ZEB2: variants seen among roughly 807,000 people sequenced by gnomAD.
ZEB2 encodes zinc finger E-box-binding homeobox 2.
ZEB2 carries 6 observed loss-of-function variants against 99.9 expected under a neutral mutation model. That is an observed-to-expected ratio of 0.06 (90% CI 0.03 to 0.12). The LOEUF is 0.12. Ranked by LOEUF, ZEB2 falls within the 10% of genes least tolerant of loss-of-function variation. The pLI is 1.00. For missense variants in ZEB2, 969 were observed against 1,502.8 expected (o/e 0.64, Z 5.87); for synonymous variants, 517 against 542.5 (o/e 0.95, Z 0.65).
At position 144,399,049 on chromosome 2, in the gene ZEB2, T is replaced by A; in HGVS notation, c.2138A>T (p.Lys713Met). The change falls in exon 8 of 10, where the codon AAG becomes ATG. Residue 713 changes from lysine to methionine, a missense_variant. Transcript: ENST00000627532. This position sits in a 1 kb window ranked among gnomAD's most constrained non-coding sequence, Gnocchi z 5.6. The stretch of plus-strand genomic sequence containing the variant: ...AGGGTTACTGTTGGGAGCTAACGGC[T>A]TGGAGCTTCTTTCCAGGGATGGGGA... ...SRSPSLERSS[K>M]PLAPNSNPPT... The A allele has an allele frequency of 6.2e-7, 1 of 1,614,150 alleles. No individual in the cohort carries two copies. The highest frequency in any genetic ancestry group is 8.5e-7 in the Non-Finnish European group (1 of 1,180,010).
In ZEB2 at chr2:144,404,708, C is replaced by T. The variant is rs1703360072; in HGVS notation, c.592+128G>A. 5.6e-6 allele frequency: 7 copies of T among 1,242,540 alleles called. No homozygotes were observed. In the Admixed American group the frequency reaches 9.8e-5, roughly 17 times the overall value. 77.0% of individuals were successfully genotyped at this position (1,242,540 alleles called of 1,614,324 possible). ...CCTAAAATTACAGTTCTAATCTTTG[C>T]TCATGAAATTCCATGCCTCTGCAGC... On this transcript the variant is annotated intron_variant, in intron 5 of 9. Transcript: ENST00000627532.
chr2:144,433,998 C>T (rs112438712), intron 2 of ZEB2, among the ~76,000 whole-genome samples: 1 of 152,086 alleles, frequency 6.6e-6, no homozygotes, highest in African/African-American at 2.4e-5. Flanking sequence ...TTTGAAGATG[C>T]CCTATACAAT....
At chr2:144,453,153 C>T (rs886655435) in intron 2 of ZEB2, among the ~76,000 whole-genome samples, 1 of 152,228 alleles carries the variant, frequency 6.6e-6, no homozygotes, top group Non-Finnish European at 1.5e-5. Context: ...CCAAGCAGTT[C>T]GTGCTATATT....
At chr2:144,451,623 C>A (rs902075653) in intron 2 of ZEB2, among the ~76,000 whole-genome samples, 1 of 152,256 alleles carries the variant, frequency 6.6e-6, no homozygotes, top group Non-Finnish European at 1.5e-5. Flanking sequence ...TGCAACTTCC[C>A]CTTCTGTGGT....
At chr2:144,430,086 CTAAT>C (rs1703750088) in intron 2 of ZEB2, 60 bp from the exon 3 acceptor site, 27 of 1,601,570 alleles carry the variant, frequency 1.7e-5, no homozygotes, top group Non-Finnish European at 2.3e-5. Flanking sequence ...TCAGCCACCC[CTAAT>C]TGTTTAGTTA....
At chr2:144,457,445 C>T (rs1704135345) in intron 2 of ZEB2, among the ~76,000 whole-genome samples, 1 of 152,108 alleles carries the variant, frequency 6.6e-6, no homozygotes, top group South Asian at 2.1e-4. Context: ...AGTGAGCAAA[C>T]AAAAGCCAAA....
intron 2 of ZEB2, chr2:144,507,231 T>G (rs952276019): frequency 6.6e-6 from 1 of 152,100 alleles, no homozygotes. Context: ...TAAGATGAAA[T>G]CATACACAGC....
At chr2:144,503,247 G>A (rs1288258693) in intron 2 of ZEB2, among the ~76,000 whole-genome samples, 1 of 152,070 alleles carries the variant, frequency 6.6e-6, no homozygotes, top group Non-Finnish European at 1.5e-5. Flanking sequence ...AAATAAAGTT[G>A]GTATGTAGTA....
intron 2 of ZEB2, among the ~76,000 whole-genome samples, chr2:144,510,687 C>CCTCTCTCTCTCTCTCTCTCTCT (rs34688250): frequency 6.8e-6 from 1 of 147,864 alleles, no homozygotes; most frequent in African/African-American, 2.5e-5. Flanking sequence ...CTACCCTGTG[C>CCTCTCTCTCTCTCTCTCTCTCT]CTCTCTCTCT....
At chr2:144,498,281 C>G (rs563299695) in intron 2 of ZEB2, among the ~76,000 whole-genome samples, 1 of 148,648 alleles carries the variant, frequency 6.7e-6, no homozygotes, top group Non-Finnish European at 1.5e-5. Flanking sequence ...GGAAGGTCCT[C>G]GCGCTCTATT....
intron 2 of ZEB2, among the ~76,000 whole-genome samples, chr2:144,508,220 G>A (rs1304944353): frequency 6.6e-6 from 1 of 152,166 alleles, no homozygotes; most frequent in Non-Finnish European, 1.5e-5. Flanking sequence ...TTGTATACGG[G>A]CGTTTGTTCA....
chr2:144,480,123 A>G (rs985223338), intron 2 of ZEB2, among the ~76,000 whole-genome samples: 1 of 152,196 alleles, frequency 6.6e-6, no homozygotes, highest in African/African-American at 2.4e-5. Flanking sequence ...TGACTAAATA[A>G]ATGCAAATGA....
intron 2 of ZEB2, chr2:144,497,887 A>AT: frequency 2.7e-5 from 2 of 74,824 alleles, no homozygotes. Context: ...CTCAACATAT[A>AT]TATATATGTC....
intron 2 of ZEB2, among the ~76,000 whole-genome samples, chr2:144,451,507 A>G (rs1704054330): frequency 6.6e-6 from 1 of 152,148 alleles, no homozygotes; most frequent in Non-Finnish European, 1.5e-5. Flanking sequence ...TAGGTGTAGA[A>G]ATGATTTGAA....
chr2:144,468,625 G>C (rs956241888), intron 2 of ZEB2, among the ~76,000 whole-genome samples: 4 of 152,058 alleles, frequency 2.6e-5, no homozygotes, highest in Non-Finnish European at 4.4e-5. Context: ...ACATGTGTGT[G>C]TGCATGTGTG....
Position 144,399,783 on chromosome 2 carries a change from G to T in ZEB2, c.1404C>A (p.Asp468Glu), listed in dbSNP as rs1443743088. The T allele has an allele frequency of 6.2e-7, 1 of 1,613,972 alleles. No homozygotes were observed. Among genetic ancestry groups the T allele is most frequent in the Non-Finnish European group, 8.5e-7 (1 of 1,180,012 alleles). Reference protein sequence around the residue: ...SEVQKVLQIVDNTVSRQKMDC... With the variant: ...SEVQKVLQIVENTVSRQKMDC... ...CCATTTTTTGCCTGGAAACAGTATT[G>T]TCCACAATCTGTAGAACCTTTTGTA... Residue 468 changes from aspartate to glutamate, a missense_variant, in exon 8 of 10, where the codon GAC becomes GAA. This residue lies in a region of ZEB2 where 227 missense variants were observed against 278.2 expected (regional missense o/e 0.82). Coordinates refer to ENST00000627532, the MANE Select transcript of ZEB2 (RefSeq NM_014795.4). This position sits in a 1 kb window ranked among gnomAD's most constrained non-coding sequence, Gnocchi z 5.6.
intron 1 of ZEB2, chr2:144,518,728 G>C (rs1705212850): frequency 6.6e-6 from 1 of 152,166 alleles, no homozygotes; most frequent in South Asian, 2.1e-4. Flanking sequence ...TTCTTTCCTT[G>C]TCCTATTGAT....
chr2:144,472,203 T>G (rs1199536391), intron 2 of ZEB2, among the ~76,000 whole-genome samples: 1 of 152,006 alleles, frequency 6.6e-6, no homozygotes, highest in African/African-American at 2.4e-5. Context: ...TTCATCATCA[T>G]CATCATCATC....
intron 2 of ZEB2, chr2:144,504,425 C>CA: frequency 6.5e-6 from 1 of 153,014 alleles, no homozygotes; most frequent in Admixed American, 6.5e-5. Flanking sequence ...AACCTCCCCC[C>CA]ACCCCTCTGT....
Sources: allele counts gnomAD v4.1 joint callset (sites outside exome capture counted in the v4.1 genomes callset), GRCh38; gene constraint gnomAD v4.1.1; regional missense constraint gnomAD v4.1.1; non-coding constraint Gnocchi (gnomAD v3.1); transcripts MANE v1.5; gene names NCBI Gene and HGNC (gene_info 2026-07-23, HGNC 2026-07-21).